The following LRRC53 variants were observed in gnomAD, a reference collection of about 807,000 sequenced individuals.
LRRC53 encodes leucine rich repeat containing 53.
Under a neutral mutation model 13.6 loss-of-function variants are expected in LRRC53, and 25 were observed. The ratio of observed to expected loss-of-function variants is 1.83; its 90% confidence interval spans 1.34 to 2.56. The LOEUF (loss-of-function observed/expected upper bound fraction) is 2.56. Among genes scored for constraint, LRRC53 ranks in the 30% most tolerant of loss-of-function variants. The pLI, the probability that LRRC53 is intolerant of heterozygous loss-of-function variation, is 0.00. For synonymous variants in LRRC53, 204 were observed against 109.8 expected, an observed-to-expected ratio of 1.86 and a Z score of -5.37; for missense variants, 527 against 275.8, an observed-to-expected ratio of 1.91 and a Z score of -6.45.
intron 4 of LRRC53, among the ~76,000 whole-genome samples, chr1:74,474,662 G>A (rs189614165): frequency 1.3e-5 from 2 of 152,212 alleles, no homozygotes; most frequent in South Asian, 2.1e-4. Context: ...AAAGGAAGAC[G>A]TTTAATTCAT....
intron 1 of LRRC53, among the ~76,000 whole-genome samples, chr1:74,506,703 G>T (rs115069066): frequency 7.9e-5 from 12 of 152,252 alleles, no homozygotes; most frequent in Admixed American, 3.9e-4. Context: ...TTTAACAGGC[G>T]ACTTGCAAAT....
At chr1:74,504,269 T>G (rs751575468) in intron 1 of LRRC53, among the ~76,000 whole-genome samples, 19 of 152,208 alleles carry the variant, frequency 1.2e-4, no homozygotes, top group Non-Finnish European at 2.6e-4. Flanking sequence ...TCGGCTGATG[T>G]GGACTAAAGT....
chr1:74,532,342 G>A, the LRRC53 span, among the ~76,000 whole-genome samples: 5 of 152,154 alleles, frequency 3.3e-5, no homozygotes, highest in African/African-American at 1.2e-4. Flanking sequence ...GAAGAATTTA[G>A]CGTTCATCTT....
rs988516053 is a variant in LRRC53 at position 74,480,694 on chromosome 1, G to A, written c.363C>T (p.Thr121=). The change falls in exon 3 of 5, where the codon ACC becomes ACT. Residue 121 remains threonine, a synonymous_variant. Coordinates refer to ENST00000294635, the MANE Select transcript of LRRC53 (RefSeq NM_001382280.1). ...TGTTTCGGAACCAAGACCCTCGTAG[G>A]GTGCGGAGAGCATTATTGCTCAGCA... is the stretch of plus-strand genomic sequence containing the variant. ...VLVLSNNALR[T]LRGSWFRNTS... is the part of the protein sequence containing the mutation. 6 of 717,366 alleles carry A rather than the reference G, an allele frequency of 8.4e-6. No individual in the cohort carries two copies. Among genetic ancestry groups the A allele is most frequent in the Middle Eastern group, 2.3e-4 (1 of 4,370 alleles). 44.4% of individuals were successfully genotyped at this position (717,366 alleles called of 1,614,324 possible).
intron 1 of LRRC53, among the ~76,000 whole-genome samples, chr1:74,498,151 A>C (rs964086854): frequency 1.2e-4 from 19 of 152,310 alleles, no homozygotes; most frequent in African/African-American, 4.3e-4. Flanking sequence ...GGAGAGGAAA[A>C]CTACAGACAA....
At chr1:74,491,199 A>G (rs974756772) in intron 1 of LRRC53, among the ~76,000 whole-genome samples, 1 of 152,156 alleles carries the variant, frequency 6.6e-6, no homozygotes, top group Non-Finnish European at 1.5e-5. Context: ...AGAGATAATT[A>G]GGGTGAGTCC....
At chr1:74,476,969 T>C (rs1304690236) in intron 3 of LRRC53, among the ~76,000 whole-genome samples, 1 of 152,184 alleles carries the variant, frequency 6.6e-6, no homozygotes, top group African/African-American at 2.4e-5. Flanking sequence ...TACCATATCT[T>C]GAACTCTTAA....
intron 1 of LRRC53, among the ~76,000 whole-genome samples, chr1:74,496,495 T>A (rs970174174): frequency 1.3e-5 from 2 of 152,188 alleles, no homozygotes; most frequent in Admixed American, 1.3e-4. Context: ...CAACACTGTC[T>A]TGAGAAATGA....
Position 74,471,442 on chromosome 1 carries a change from AC to A in LRRC53, c.2179del (p.Val727SerfsTer36), listed in dbSNP as rs1667928388. ...CAAGGATTTTTCTGGATGGACTCTG[AC>A]TTTTCTAAAAGGATGTAAATTTAAT... ...LKLNLHPFRKVRVHPEKSLSS... is the reference protein window; with the variant it reads ...LKLNLHPFRKXRVHPEKSLSS... On this transcript the variant is annotated frameshift_variant, in exon 5 of 5. Transcript: ENST00000294635. LOFTEE classifies it low-confidence loss of function (END_TRUNC). The A allele has an allele frequency of 2.5e-6, 1 of 400,532 alleles. No homozygotes were observed. Among genetic ancestry groups the A allele is most frequent in the Non-Finnish European group, 4.4e-6 (1 of 226,156 alleles). 24.8% of individuals were successfully genotyped at this position (400,532 alleles called of 1,614,324 possible). A position where few individuals can be genotyped will look rare whatever the true frequency, so the allele number is the denominator to read the frequency against.
chr1:74,512,209 A>T (rs1670263553), intron 1 of LRRC53, among the ~76,000 whole-genome samples: 1 of 152,188 alleles, frequency 6.6e-6, no homozygotes, highest in Non-Finnish European at 1.5e-5. Context: ...AGCTGTGTTT[A>T]CTGTCAGTGA....
chr1:74,495,953 T>C (rs1357402573), intron 1 of LRRC53, among the ~76,000 whole-genome samples: 1 of 152,064 alleles, frequency 6.6e-6, no homozygotes, highest in Non-Finnish European at 1.5e-5. Flanking sequence ...AGCCCAAGGA[T>C]ATAAAAATTG....
intron 1 of LRRC53, among the ~76,000 whole-genome samples, chr1:74,493,224 A>T (rs1284476194): frequency 6.6e-6 from 1 of 152,214 alleles, no homozygotes; most frequent in Admixed American, 6.5e-5. Flanking sequence ...AGAAATTGGG[A>T]GTAAATGCTT....
rs1200407893 is a variant in LRRC53 at position 74,470,432 on chromosome 1, C to G, written c.3190G>C (p.Ala1064Pro). Reference sequence around the variant, plus strand: ...TCAGTGCCGTCATTTCTGGGCAATGCATTTGTGCTGTCAATTCCTTTTTCG... The same window carrying G: ...TCAGTGCCGTCATTTCTGGGCAATGGATTTGTGCTGTCAATTCCTTTTTCG... ...SSEKGIDSTN[A>P]LPRNDGTEAL... is the part of the protein sequence containing the mutation. The change falls in exon 5 of 5, where the codon GCA becomes CCA. Residue 1064 changes from alanine to proline, a missense_variant. By Grantham distance (27) the Ala-to-Pro change is conservative. Coordinates refer to ENST00000294635, the MANE Select transcript of LRRC53 (RefSeq NM_001382280.1). The G allele has an allele frequency of 2.5e-6, 1 of 400,546 alleles. No homozygotes were observed. Among genetic ancestry groups the G allele is most frequent in the African/African-American group, 2.1e-5 (1 of 48,680 alleles). The allele number at this position is 400,546 out of a possible 1,614,324, so 24.8% of individuals were successfully genotyped here. A position where few individuals can be genotyped will look rare whatever the true frequency, so the allele number is the denominator to read the frequency against.
At chr1:74,484,112 T>G (rs78003146) in intron 1 of LRRC53, among the ~76,000 whole-genome samples, 1 of 152,052 alleles carries the variant, frequency 6.6e-6, no homozygotes, top group African/African-American at 2.4e-5. Flanking sequence ...AACTTTACCT[T>G]TATTTTAAAG....
At chr1:74,490,023 C>T (rs1334376715) in intron 1 of LRRC53, among the ~76,000 whole-genome samples, 3 of 110,456 alleles carry the variant, frequency 2.7e-5, no homozygotes, top group East Asian at 2.6e-4. Context: ...AAAGTGGAAC[C>T]ATCAAGAAAA....
In LRRC53 at chr1:74,469,791, C is replaced by A. The variant is rs79673520; in HGVS notation, c.*87G>T. ...TGTTGTCCTCCAAAATGATCCACTT[C>A]TAATGCATGCAAAGGCTAGTGGGTG... On this transcript the variant is annotated 3_prime_UTR_variant, in exon 5 of 5. Transcript: ENST00000294635. The A allele has an allele frequency of 2.5e-6, 1 of 398,310 alleles. No individual in the cohort carries two copies. The highest frequency in any genetic ancestry group is 4.4e-5 in the Admixed American group (1 of 22,704). 24.7% of individuals were successfully genotyped at this position (398,310 alleles called of 1,614,324 possible). A position where few individuals can be genotyped will look rare whatever the true frequency, so the allele number is the denominator to read the frequency against.
At chr1:74,482,563 G>A (rs893016226) in intron 2 of LRRC53, among the ~76,000 whole-genome samples, 2 of 152,076 alleles carry the variant, frequency 1.3e-5, no homozygotes, top group Admixed American at 6.6e-5. Flanking sequence ...CAGAGTCGTG[G>A]GATATTAGAA....
At chr1:74,496,503 T>A (rs1183164912) in intron 1 of LRRC53, among the ~76,000 whole-genome samples, 1 of 152,178 alleles carries the variant, frequency 6.6e-6, no homozygotes, top group Admixed American at 6.5e-5. Context: ...TCTTGAGAAA[T>A]GATGCATTTA....
At position 74,469,991 on chromosome 1, in the gene LRRC53, C is replaced by T; in HGVS notation, c.3631G>A (p.Glu1211Lys). 1 of 400,710 alleles carries T rather than the reference C, an allele frequency of 2.5e-6. No individual in the cohort carries two copies. Among genetic ancestry groups the T allele is most frequent in the Non-Finnish European group, 4.4e-6 (1 of 226,150 alleles). The allele number at this position is 400,710 out of a possible 1,614,324, so 24.8% of individuals were successfully genotyped here. Residue 1211 changes from glutamate (E) to lysine (K), a missense_variant, in exon 5 of 5, where the codon GAG becomes AAG. Transcript: ENST00000294635. ...GLKDSFEAEN[E>K]VFLVPSRINE... ...ATTCTGCTAGGAACTAAAAACACCT[C>T]ATTTTCTGCCTCAAAACTGTCTTTT...
Sources: gnomAD v4.1 joint callset for allele counts (sites outside exome capture counted in the v4.1 genomes callset) on GRCh38, gnomAD v4.1.1 for gene constraint, MANE v1.5 for transcripts, NCBI Gene and HGNC (gene_info 2026-07-23, HGNC 2026-07-21) for gene names.